The following KIF1B variants were observed in gnomAD, a reference collection of about 807,000 sequenced individuals.
KIF1B encodes the protein kinesin-like protein KIF1B.
In KIF1B, 76 loss-of-function variants were observed where a neutral mutation model predicts 241.9. That is an observed-to-expected ratio of 0.31 (90% confidence interval 0.26 to 0.38). KIF1B has a LOEUF of 0.38. Ranked by LOEUF, KIF1B falls within the 10% of genes least tolerant of loss-of-function variation. The pLI, the probability that KIF1B is intolerant of heterozygous loss-of-function variation, is 1.00. For synonymous variants in KIF1B, 750 were observed against 796.7 expected (o/e 0.94, Z 0.99); for missense variants, 1,622 against 2,271.4 (o/e 0.71, Z 5.81).
chr1:10,235,879 A>AG (rs1186590201), intron 2 of KIF1B, among the ~76,000 whole-genome samples: 1 of 151,524 alleles, frequency 6.6e-6, no homozygotes, highest in Non-Finnish European at 1.5e-5. Context: ...AAAAAAAAAA[A>AG]AAAAGCATAA....
chr1:10,372,586 GA>G (rs1377471894), intron 45 of KIF1B, among the ~76,000 whole-genome samples: 28 of 148,322 alleles, frequency 1.9e-4, no homozygotes, highest in Non-Finnish European at 2.8e-4. Flanking sequence ...GCTGAGGCAG[GA>G]AGATTGGTTG....
In KIF1B at chr1:10,336,700, A is replaced by G; in HGVS notation, c.3087A>G (p.Ser1029=). The change falls in exon 29 of 49, where the codon TCA becomes TCG. Residue 1029 remains serine, a synonymous_variant. Transcript: ENST00000676179. ...ATTATGGCTCTGGAATTCGACAGTC[A>G]GGAACAGCTAAAATATCTTTTGATA... ...APDYGSGIRQ[S]GTAKISFDNE... 6.2e-7 allele frequency: 1 copy of G among 1,614,104 alleles called. No individual in the cohort carries two copies. Among genetic ancestry groups the G allele is most frequent in the Non-Finnish European group, 8.5e-7 (1 of 1,179,986 alleles).
Position 10,326,244 on chromosome 1 carries a change from G to T in KIF1B, c.2809G>T (p.Glu937Ter). ...AGATGAGATGGAGGATTTTGATGAT[G>T]AGGCATTCGTGGATGACGCCGGCTC... ...QQDEMEDFDD[E>*]AFVDDAGSDA... is the part of the protein sequence containing the mutation. Residue 937 changes from glutamate (E) to a stop codon, truncating the protein, a stop_gained, in exon 27 of 49, where the codon GAG (glutamate) becomes TAG (stop). Transcript: ENST00000676179. LOFTEE classifies it high-confidence loss of function. The surrounding 1 kb of genome is among the most constrained non-coding windows in gnomAD (Gnocchi z 5.2). 6.2e-7 allele frequency: 1 copy of T among 1,614,044 alleles called. No individual in the cohort carries two copies. The highest frequency in any genetic ancestry group is 8.5e-7 in the Non-Finnish European group (1 of 1,179,928).
chr1:10,282,651 G>A, intron 15 of KIF1B, 118 bp downstream of exon 15: 1 of 872,934 alleles, frequency 1.1e-6, no homozygotes, highest in South Asian at 1.4e-5. Context: ...ACTCTTAGAA[G>A]TGTCCTGAAA....
In KIF1B at chr1:10,376,834, AACACAC is replaced by A. The variant is rs111663673; in HGVS notation, c.*275_*280del. The A allele has an allele frequency of 3.5e-3, 1,551 of 442,436 alleles. 5 individuals are homozygous for A. Among genetic ancestry groups the A allele is most frequent in the Non-Finnish European group, 4.2e-3 (994 of 236,836 alleles). 27.4% of individuals were successfully genotyped at this position (442,436 alleles called of 1,614,324 possible). On this transcript the variant is annotated 3_prime_UTR_variant, in exon 49 of 49. Coordinates refer to ENST00000676179, the MANE Select transcript of KIF1B (RefSeq NM_001365951.3). Reference sequence around the variant, plus strand: ...CTAACAAAAGGAAAAAATGTTTTTAAACACACACACACACACACACACACACACACA... The same window carrying A: ...CTAACAAAAGGAAAAAATGTTTTTAAACACACACACACACACACACACACA...
chr1:10,255,837 T>C (rs1339527059), intron 2 of KIF1B, among the ~76,000 whole-genome samples: 1 of 152,134 alleles, frequency 6.6e-6, no homozygotes, highest in Non-Finnish European at 1.5e-5. Context: ...CAAAATAGGC[T>C]GGGGTGCAGT....
intron 23 of KIF1B, among the ~76,000 whole-genome samples, chr1:10,320,772 G>A (rs1453974631): frequency 6.6e-6 from 1 of 151,108 alleles, no homozygotes; most frequent in East Asian, 1.9e-4. Flanking sequence ...TGTCGCCCAC[G>A]CTGGAGTGCA....
Position 10,324,081 on chromosome 1 carries a change from A to T in KIF1B, c.2537+19A>T. The T allele has an allele frequency of 6.2e-7, 1 of 1,612,402 alleles. No individual in the cohort carries two copies. Among genetic ancestry groups the T allele is most frequent in the Non-Finnish European group, 8.5e-7 (1 of 1,178,674 alleles). ...AACTCAAGTATGAAAACATTCATAAAGGCTGGTTGTTTTATTTAGGAAATA... is the reference window on the plus strand; with the variant it reads ...AACTCAAGTATGAAAACATTCATAATGGCTGGTTGTTTTATTTAGGAAATA... On this transcript the variant is annotated intron_variant, in intron 25 of 48. Transcript: ENST00000676179.
At chr1:10,300,232 G>C (rs1294016780) in intron 22 of KIF1B, among the ~76,000 whole-genome samples, 1 of 94,776 alleles carries the variant, frequency 1.1e-5, no homozygotes. Flanking sequence ...GCTAGACTCA[G>C]TGTCAAATAA....
rs113046395 is a variant in KIF1B at position 10,364,683 on chromosome 1, C to G, written c.4367-417C>G. Among the ~76,000 whole-genome samples the G allele has an allele frequency of 5.0e-3, 753 of 152,092 alleles. 11 individuals carry two copies. Among genetic ancestry groups the G allele is most frequent in the African/African-American group, 0.017 (711 of 41,478 alleles). On this transcript the variant is annotated intron_variant, in intron 41 of 48. Coordinates refer to ENST00000676179, the MANE Select transcript of KIF1B (RefSeq NM_001365951.3). ...AACAAAATCCCATATATCTTCAGACCAAACTGTCTTAGTTTGCTACGTATA... is the reference window on the plus strand; with the variant it reads ...AACAAAATCCCATATATCTTCAGACGAAACTGTCTTAGTTTGCTACGTATA...
chr1:10,257,117 G>A (rs529096520), intron 3 of KIF1B, among the ~76,000 whole-genome samples: 33 of 149,292 alleles, frequency 2.2e-4, no homozygotes, highest in Admixed American at 2.1e-3. Flanking sequence ...TTTTTTTTTT[G>A]TTTGTTTGTT....
At chr1:10,356,629 C>T (rs901994982) in intron 38 of KIF1B, among the ~76,000 whole-genome samples, 11 of 150,708 alleles carry the variant, frequency 7.3e-5, no homozygotes, top group African/African-American at 2.0e-4. Flanking sequence ...CGGCCGGGCA[C>T]GGTGGCTCAC....
At chr1:10,357,051 A>C (rs1370502525) in intron 38 of KIF1B, among the ~76,000 whole-genome samples, 1 of 152,102 alleles carries the variant, frequency 6.6e-6, no homozygotes, top group African/African-American at 2.4e-5. Context: ...CGCTAATTTA[A>C]AATTTTTTTG....
At position 10,223,240 on chromosome 1, in the gene KIF1B, C is replaced by A. The variant is rs561750621; in HGVS notation, c.-79-9010C>A. Among the ~76,000 whole-genome samples, 7 of 152,142 alleles carry A rather than the reference C, an allele frequency of 4.6e-5. No homozygotes were observed. The South Asian group carries it at 1.5e-3, about 32-fold the overall frequency. ...ACTTCATCTAGCCTGGGTGACAGAGCAAGACTCTGTCTCAAAAACAAAACA... is the reference window on the plus strand; with the variant it reads ...ACTTCATCTAGCCTGGGTGACAGAGAAAGACTCTGTCTCAAAAACAAAACA... On this transcript the variant is annotated intron_variant, in intron 1 of 48. Transcript: ENST00000676179.
Position 10,258,405 on chromosome 1 carries a change from C to T in KIF1B, c.184-88C>T, listed in dbSNP as rs946560475. On this transcript the variant is annotated intron_variant, in intron 3 of 48. Transcript: ENST00000676179. ...GGAATTTTAGGTGACTGTTCTGATT[C>T]CAGACACTTTTATTATGGAAGCAAT... is the stretch of plus-strand genomic sequence containing the variant. 2.9e-6 allele frequency: 4 copies of T among 1,384,436 alleles called. No homozygotes were observed. The Admixed American group carries it at 5.5e-5, about 19-fold the overall frequency. 85.8% of individuals were successfully genotyped at this position (1,384,436 alleles called of 1,614,324 possible). A position where few individuals can be genotyped will look rare whatever the true frequency, so the allele number is the denominator to read the frequency against.
At chr1:10,327,990 C>G (rs1224220441) in intron 27 of KIF1B, among the ~76,000 whole-genome samples, 1 of 152,014 alleles carries the variant, frequency 6.6e-6, no homozygotes, top group Non-Finnish European at 1.5e-5. Context: ...AGTTTGAGAC[C>G]AGAGTGGGCA....
rs747470257 is a variant in KIF1B at position 10,337,652 on chromosome 1, G to A, written c.3422+119G>A. The stretch of plus-strand genomic sequence containing the variant: ...ACACTCTTGAGACAAAGACTGATCA[G>A]TCTCTGAAGGAAAATACTTTCATCA... On this transcript the variant is annotated intron_variant, in intron 31 of 48. Transcript: ENST00000676179. This position sits in a 1 kb window ranked among gnomAD's most constrained non-coding sequence, Gnocchi z 4.0. 3.6e-6 allele frequency: 4 copies of A among 1,126,106 alleles called. No individual in the cohort carries two copies. Among genetic ancestry groups the A allele is most frequent in the South Asian group, 1.4e-5 (1 of 72,924 alleles). 69.8% of individuals were successfully genotyped at this position (1,126,106 alleles called of 1,614,324 possible). A position where few individuals can be genotyped will look rare whatever the true frequency, so the allele number is the denominator to read the frequency against.
chr1:10,223,150 G>C (rs1333563788), intron 1 of KIF1B, among the ~76,000 whole-genome samples: 1 of 152,134 alleles, frequency 6.6e-6, no homozygotes, highest in Non-Finnish European at 1.5e-5. Flanking sequence ...TACTCGGGAG[G>C]CTGAGGCAGG....
chr1:10,294,092 A>G (rs1377431626), intron 17 of KIF1B, among the ~76,000 whole-genome samples: 1 of 151,674 alleles, frequency 6.6e-6, no homozygotes, highest in Non-Finnish European at 1.5e-5. Flanking sequence ...TCCTTTTCCT[A>G]CCCCCTCATC....
Sources: allele counts gnomAD v4.1 joint callset (sites outside exome capture counted in the v4.1 genomes callset), GRCh38; gene constraint gnomAD v4.1.1; non-coding constraint Gnocchi (gnomAD v3.1); transcripts MANE v1.5; gene names NCBI Gene and HGNC (gene_info 2026-07-23, HGNC 2026-07-21).